Variants in C1orf105 observed in about 807,000 individuals in gnomAD.
C1orf105 encodes the protein chromosome 1 open reading frame 105.
Under a neutral mutation model 20.8 loss-of-function variants are expected in C1orf105, and 17 were observed. The ratio of observed to expected loss-of-function variants is 0.82; its 90% CI spans 0.56 to 1.23. The LOEUF is 1.23. Among genes scored for constraint, C1orf105 ranks in the 50% most tolerant of loss-of-function variants. The probability of loss-of-function intolerance (pLI) is 0.00; values close to 1 mark genes in which losing one functional copy is unlikely to be tolerated. For synonymous variants in C1orf105, 72 were observed against 72.1 expected (o/e 1.00, Z 0.01); for missense variants, 219 against 213.5 (o/e 1.03, Z -0.16).
chr1:172,467,262 A>T (rs1306701133), intron 6 of C1orf105, among the ~76,000 whole-genome samples: 7 of 152,148 alleles, frequency 4.6e-5, no homozygotes, highest in African/African-American at 1.7e-4. Flanking sequence ...CAAGTGACTG[A>T]CTCATCCCAG....
rs1320180654 is a variant in C1orf105, at chr1:172,468,512, C to T, written c.470C>T (p.Thr157Ile). ...ACAGCTGTCTTCCACGGATTACTGACAGAGGCCTACAAAACTCTAAAAGAG... is the reference window on the plus strand; with the variant it reads ...ACAGCTGTCTTCCACGGATTACTGATAGAGGCCTACAAAACTCTAAAAGAG... ...PRTAVFHGLL[T>I]EAYKTLKERQ... The change falls in exon 7 of 7, where the codon ACA becomes ATA. Residue 157 changes from threonine to isoleucine, a missense_variant. By Grantham distance (89) the Thr-to-Ile change is moderately conservative (BLOSUM62 -1). Transcript: ENST00000367727. 2 of 1,613,866 alleles carry T rather than the reference C, an allele frequency of 1.2e-6. No individual in the cohort carries two copies. Among genetic ancestry groups the T allele is most frequent in the Admixed American group, 1.7e-5 (1 of 60,000 alleles).
chr1:172,447,429 C>G (rs1217752289), intron 2 of C1orf105, among the ~76,000 whole-genome samples: 1 of 152,172 alleles, frequency 6.6e-6, no homozygotes, highest in African/African-American at 2.4e-5. Flanking sequence ...TCGTCAGTCT[C>G]CAAAGCCCTT....
At chr1:172,465,876 C>T (rs1427090788) in intron 6 of C1orf105, among the ~76,000 whole-genome samples, 1 of 152,170 alleles carries the variant, frequency 6.6e-6, no homozygotes, top group African/African-American at 2.4e-5. Context: ...CAGGCTTCAG[C>T]ATTGACCTAA....
chr1:172,420,881 G>C lies in C1orf105; in HGVS notation c.-5G>C, dbSNP rs146005600. Reference sequence around the variant, plus strand: ...AAAAACTCAGAACATCTAAAGATCTGAAAGATGGAAAAAAGAGAACTAAAG... The same window carrying C: ...AAAAACTCAGAACATCTAAAGATCTCAAAGATGGAAAAAAGAGAACTAAAG... On this transcript the variant is annotated 5_prime_UTR_variant, in exon 1 of 7. Transcript: ENST00000367727. The C allele has an allele frequency of 1.5e-4, 247 of 1,611,266 alleles. No individual in the cohort carries two copies. Among genetic ancestry groups the C allele is most frequent in the Non-Finnish European group, 2.1e-4 (244 of 1,178,090 alleles).
At chr1:172,447,030 G>T (rs1190221319) in intron 2 of C1orf105, among the ~76,000 whole-genome samples, 5 of 152,200 alleles carry the variant, frequency 3.3e-5, no homozygotes, top group Non-Finnish European at 7.3e-5. Flanking sequence ...GAGCTCTCAG[G>T]AGGACAAGAC....
intron 1 of C1orf105, chr1:172,430,366 G>A: frequency 1.5e-6 from 1 of 689,444 alleles, no homozygotes; most frequent in Non-Finnish European, 2.6e-6. Context: ...GATGGCAGCA[G>A]TTAAGGGCTC....
chr1:172,450,623 T>A (rs1341683424), intron 3 of C1orf105, among the ~76,000 whole-genome samples: 1 of 152,218 alleles, frequency 6.6e-6, no homozygotes, highest in Non-Finnish European at 1.5e-5. Context: ...CCGGACCCTG[T>A]GCAGAGGTGC....
rs750959694 is a variant in C1orf105 at position 172,445,119 on chromosome 1, G to A, written c.68G>A (p.Ser23Asn). 2 of 1,613,626 alleles carry A rather than the reference G, an allele frequency of 1.2e-6. No individual in the cohort carries two copies. Among genetic ancestry groups the A allele is most frequent in the Non-Finnish European group, 1.7e-6 (2 of 1,179,826 alleles). Residue 23 changes from serine (S) to asparagine (N), a missense_variant, in exon 2 of 7, where the codon AGC becomes AAC. By Grantham distance (46) the Ser-to-Asn change is conservative (BLOSUM62 1). Transcript: ENST00000367727. The stretch of plus-strand genomic sequence containing the variant: ...AAGATTCCTTGGCTTAGTGAGGCCA[G>A]CCTTGTAAACAAGCCATTAGTGCTC... ...FDKIPWLSEA[S>N]LVNKPLVLSL...
chr1:172,466,251 G>A (rs1162122103), intron 6 of C1orf105, among the ~76,000 whole-genome samples: 2 of 152,136 alleles, frequency 1.3e-5, no homozygotes, highest in East Asian at 3.8e-4. Context: ...CTGAGGTTTG[G>A]GGATATCCAC....
At chr1:172,433,748 T>C (rs937321775) in intron 1 of C1orf105, among the ~76,000 whole-genome samples, 9 of 152,108 alleles carry the variant, frequency 5.9e-5, no homozygotes, top group African/African-American at 1.2e-4. Context: ...AATTAACACA[T>C]AACAATATTA....
chr1:172,442,277 G>A lies in C1orf105; in HGVS notation c.22-2796G>A, dbSNP rs760099108. 2.0e-5 allele frequency: 33 copies of A among 1,613,630 alleles called. No homozygotes were observed. The highest frequency in any genetic ancestry group is 3.3e-5 in the Admixed American group (2 of 59,994). ...AGGGCACTCTTCAGGTCAGCCCACC[G>A]GGTCTGCCCACTCTTCTTCCGCCCT... On this transcript the variant is annotated intron_variant, in intron 1 of 6. Transcript: ENST00000367727.
At chr1:172,423,597 C>T (rs1369950292) in intron 1 of C1orf105, among the ~76,000 whole-genome samples, 1 of 151,680 alleles carries the variant, frequency 6.6e-6, no homozygotes, top group African/African-American at 2.4e-5. Context: ...GGAAAACATG[C>T]CCTTACCAAA....
intron 3 of C1orf105, chr1:172,452,949 G>A (rs1392282039): frequency 9.7e-6 from 15 of 1,539,868 alleles, no homozygotes; most frequent in Admixed American, 6.0e-5. Context: ...AGGAAACCGA[G>A]TGAGAAGGGA....
At chr1:172,437,071 T>C (rs1362854232) in intron 1 of C1orf105, among the ~76,000 whole-genome samples, 5 of 152,090 alleles carry the variant, frequency 3.3e-5, no homozygotes, top group Non-Finnish European at 7.4e-5. Flanking sequence ...TGGCAATCAT[T>C]AAAAAGTCAG....
chr1:172,429,849 TCTA>T (rs2071821977), intron 1 of C1orf105, among the ~76,000 whole-genome samples: 1 of 152,164 alleles, frequency 6.6e-6, no homozygotes, highest in Non-Finnish European at 1.5e-5. Context: ...ATCCTATTGC[TCTA>T]CTTCTTCTTA....
chr1:172,443,591 A>G (rs1647584961), intron 1 of C1orf105: 1 of 167,126 alleles, frequency 6.0e-6, no homozygotes, highest in South Asian at 2.1e-4. Flanking sequence ...TAAGAGTCAG[A>G]AACACCACAG....
chr1:172,447,064 G>T (rs908187984), intron 2 of C1orf105, among the ~76,000 whole-genome samples: 2 of 152,176 alleles, frequency 1.3e-5, no homozygotes, highest in African/African-American at 4.8e-5. Context: ...CTTTTGAAAG[G>T]ATGGTTTAAG....
At chr1:172,421,483 C>T (rs1053070826) in intron 1 of C1orf105, among the ~76,000 whole-genome samples, 1 of 152,112 alleles carries the variant, frequency 6.6e-6, no homozygotes, top group Non-Finnish European at 1.5e-5. Context: ...GGTTACATCT[C>T]AATAAACCAC....
chr1:172,440,146 G>T (rs1183259904), intron 1 of C1orf105, among the ~76,000 whole-genome samples: 1 of 152,168 alleles, frequency 6.6e-6, no homozygotes, highest in Non-Finnish European at 1.5e-5. Context: ...TATGTTCAAA[G>T]AAATAAAAAC....
Sources: gnomAD v4.1 joint callset for allele counts (sites outside exome capture counted in the v4.1 genomes callset) on GRCh38, gnomAD v4.1.1 for gene constraint, MANE v1.5 for transcripts, NCBI Gene and HGNC (gene_info 2026-07-23, HGNC 2026-07-21) for gene names.